PNMA6E: variants seen among roughly 807,000 people sequenced by gnomAD.
PNMA6E encodes paraneoplastic antigen Ma6E.
For synonymous variants in PNMA6E, 43 were observed against 17.1 expected, an observed-to-expected ratio of 2.52 and a Z score of -3.74; for missense variants, 78 against 50.8, an observed-to-expected ratio of 1.53 and a Z score of -1.63.
At chrX:153,401,796 GT>G (rs1457949095), upstream of PNMA6E, among the ~76,000 whole-genome samples, 2 of 95,449 alleles carry the variant, frequency 2.1e-5, no homozygotes, top group African/African-American at 3.8e-5. Context: ...TTTTGTTTTT[GT>G]TTTTTTAGAC....
chrX:153,411,231 A>C, the PNMA6E span, among the ~76,000 whole-genome samples: 1 of 112,345 alleles, frequency 8.9e-6, no homozygotes, highest in Non-Finnish European at 1.9e-5. Context: ...AGCCCATGGG[A>C]GGTGTTCTGC....
At position 153,397,630 on chromosome X, in the gene PNMA6E, G is replaced by A. The variant is rs972291755; in HGVS notation, c.1220C>T (p.Ser407Leu). 1.1e-4 allele frequency: 32 copies of A among 298,222 alleles called. No homozygotes were observed. Among genetic ancestry groups the A allele is most frequent in the Middle Eastern group, 8.6e-4 (1 of 1,158 alleles). The allele number at this position is 298,222 out of a possible 1,213,427, so 24.6% of individuals were successfully genotyped here. Residue 407 changes from serine (S) to leucine (L), a missense_variant, in exon 2 of 2, where the codon TCG becomes TTG. Transcript: ENST00000445091. ...CGTGCAGGTCAGGAACTTCAGCCTCGAAGTCATTCGAGTGTCCTGGTTCCT... is the reference window on the plus strand; with the variant it reads ...CGTGCAGGTCAGGAACTTCAGCCTCAAAGTCATTCGAGTGTCCTGGTTCCT... ...VFRNQDTRMT[S>L]RLKFLTCTQG...
chrX:153,403,582 A>G (rs1467758262), upstream of PNMA6E, among the ~76,000 whole-genome samples: 1 of 111,774 alleles, frequency 8.9e-6, no homozygotes, highest in Non-Finnish European at 1.9e-5. Flanking sequence ...TATAGTTTCT[A>G]TTTCTCTTCT....
At position 153,396,120 on chromosome X, in the gene PNMA6E, C is replaced by T. The variant is rs1166215351; in HGVS notation, c.*786G>A. The stretch of plus-strand genomic sequence containing the variant: ...GTCACCATCGTGGTCACGGGGTGAG[C>T]GTCCGCCGTGCCCTGGTGCCTCCTT... On this transcript the variant is annotated 3_prime_UTR_variant, in exon 2 of 2. Coordinates refer to ENST00000445091, the MANE Select transcript of PNMA6E (RefSeq NM_001367770.1). 7 of 122,014 alleles carry T rather than the reference C, an allele frequency of 5.7e-5. No homozygotes were observed. The highest frequency in any genetic ancestry group is 5.6e-4 in the East Asian group (2 of 3,544). 10.1% of individuals were successfully genotyped at this position (122,014 alleles called of 1,213,427 possible).
chrX:153,410,948 C>T, the PNMA6E span, among the ~76,000 whole-genome samples: 1 of 111,732 alleles, frequency 8.9e-6, no homozygotes, highest in South Asian at 3.8e-4. Context: ...AGGTGCGATC[C>T]CCTCCGGTAA....
the PNMA6E span, among the ~76,000 whole-genome samples, chrX:153,412,405 C>T: frequency 8.9e-6 from 1 of 112,560 alleles, no homozygotes; most frequent in Non-Finnish European, 1.9e-5. Context: ...AGGGACACGG[C>T]GGTAGTAAGC....
chrX:153,407,195 G>T, the PNMA6E span, among the ~76,000 whole-genome samples: 2 of 112,831 alleles, frequency 1.8e-5, no homozygotes, highest in African/African-American at 6.4e-5. Context: ...CTCCGGGCCA[G>T]TAGATGGCTA....
chrX:153,411,571 A>C, the PNMA6E span, among the ~76,000 whole-genome samples: 1,384 of 112,463 alleles, frequency 0.012, 23 homozygotes, highest in African/African-American at 0.041. Flanking sequence ...CAAGCCCAGG[A>C]GCCCCCACCC....
the PNMA6E span, among the ~76,000 whole-genome samples, chrX:153,406,986 C>T: frequency 4.4e-5 from 5 of 112,609 alleles, no homozygotes; most frequent in East Asian, 1.1e-3. Flanking sequence ...TTGACACAGG[C>T]GTGTTCCATT....
chrX:153,402,265 A>T (rs1315173813), upstream of PNMA6E, among the ~76,000 whole-genome samples: 1 of 112,082 alleles, frequency 8.9e-6, no homozygotes, highest in Non-Finnish European at 1.9e-5. Flanking sequence ...GTGCAAACAT[A>T]TGTATGAATT....
upstream of PNMA6E, among the ~76,000 whole-genome samples, chrX:153,403,039 A>C (rs1451458876): frequency 8.9e-6 from 1 of 112,473 alleles, no homozygotes; most frequent in African/African-American, 3.2e-5. Context: ...TCTTCCTTGG[A>C]ATTCACTGAG....
chrX:153,401,044 G>A (rs1411430203), intron 1 of PNMA6E, among the ~76,000 whole-genome samples, 200 bp downstream of exon 1: 5 of 109,361 alleles, frequency 4.6e-5, no homozygotes, highest in East Asian at 2.9e-4. Flanking sequence ...CTTCCTTGGC[G>A]GGAAGCCCAC....
upstream of PNMA6E, among the ~76,000 whole-genome samples, chrX:153,405,289 G>A (rs1216392298): frequency 8.9e-6 from 1 of 112,186 alleles, no homozygotes; most frequent in East Asian, 2.8e-4. Context: ...GGGACCTGAT[G>A]CAGTTATCAT....
At chrX:153,400,707 C>A (rs899806681) in intron 1 of PNMA6E, among the ~76,000 whole-genome samples, 2 of 110,374 alleles carry the variant, frequency 1.8e-5, no homozygotes, top group Admixed American at 9.4e-5. Flanking sequence ...CGCCAGGGGC[C>A]GTCCCCTCTC....
chrX:153,405,414 G>T (rs376921382), upstream of PNMA6E, among the ~76,000 whole-genome samples: 3 of 111,867 alleles, frequency 2.7e-5, no homozygotes, highest in East Asian at 8.4e-4. Flanking sequence ...TAGTAACAAA[G>T]AGTTCAGCAG....
At chrX:153,401,661 C>T (rs989203190), upstream of PNMA6E, among the ~76,000 whole-genome samples, 2 of 111,917 alleles carry the variant, frequency 1.8e-5, no homozygotes, top group African/African-American at 3.3e-5. Flanking sequence ...AAGTTCATTG[C>T]GGTAAATCGG....
the PNMA6E span, among the ~76,000 whole-genome samples, chrX:153,411,532 G>T: frequency 8.9e-6 from 1 of 112,612 alleles, no homozygotes; most frequent in African/African-American, 3.2e-5. Context: ...GACGCTCTTC[G>T]CGAGCGGTAC....
At chrX:153,413,802 G>A in the PNMA6E span, among the ~76,000 whole-genome samples, 3 of 112,443 alleles carry the variant, frequency 2.7e-5, no homozygotes, top group Non-Finnish European at 3.8e-5. Flanking sequence ...AGGGTTTGTC[G>A]TGTCTTTCTT....
intron 1 of PNMA6E, among the ~76,000 whole-genome samples, chrX:153,400,248 T>C (rs2088839271): frequency 1.8e-5 from 2 of 112,344 alleles, no homozygotes; most frequent in African/African-American, 6.5e-5. Flanking sequence ...ATTCCACCTG[T>C]AGGGGGCCAG....
Sources: allele counts gnomAD v4.1 joint callset (sites outside exome capture counted in the v4.1 genomes callset), GRCh38; gene constraint gnomAD v4.1.1; transcripts MANE v1.5; gene names NCBI Gene and HGNC (gene_info 2026-07-23, HGNC 2026-07-21).